CDH13: variants seen among roughly 807,000 people sequenced by gnomAD.
The protein encoded by CDH13 is cadherin-13.
A neutral mutation model predicts 63.8 loss-of-function variants in CDH13; 24 were observed. The ratio of observed to expected loss-of-function variants is 0.38; its 90% confidence interval spans 0.27 to 0.53. CDH13 has a LOEUF of 0.53. CDH13 is among the 20% of genes least tolerant of loss of function. The pLI is 0.85. For missense variants in CDH13, 1,049 were observed against 903.1 expected (o/e 1.16, Z -2.07); for synonymous variants, 503 against 355.3 (o/e 1.42, Z -4.67).
chr16:83,716,546 C>G (rs1196495475), intron 10 of CDH13, among the ~76,000 whole-genome samples: 1 of 152,142 alleles, frequency 6.6e-6, no homozygotes, highest in Non-Finnish European at 1.5e-5. Flanking sequence ...TGCAGTGGTG[C>G]AGTCTCAGCT....
chr16:82,666,023 A>T (rs927527410), intron 1 of CDH13, among the ~76,000 whole-genome samples: 1 of 152,218 alleles, frequency 6.6e-6, no homozygotes, highest in African/African-American at 2.4e-5. Context: ...ATTCTAAGTC[A>T]GGGAATATCT....
chr16:82,841,655 C>T (rs995002693), intron 1 of CDH13, among the ~76,000 whole-genome samples: 1 of 151,686 alleles, frequency 6.6e-6, no homozygotes, highest in African/African-American at 2.4e-5. Flanking sequence ...TGTTTTAACT[C>T]ATACATAGTG....
chr16:83,077,842 C>G (rs1031358056), intron 3 of CDH13, among the ~76,000 whole-genome samples: 1 of 152,170 alleles, frequency 6.6e-6, no homozygotes, highest in African/African-American at 2.4e-5. Context: ...GCAGTGACGG[C>G]TTTGCATCCT....
chr16:82,704,898 A>G (rs1360027708), intron 1 of CDH13, among the ~76,000 whole-genome samples: 1 of 152,298 alleles, frequency 6.6e-6, no homozygotes, highest in East Asian at 1.9e-4. Flanking sequence ...AAAGCAACAT[A>G]ATCAGTATTT....
intron 6 of CDH13, among the ~76,000 whole-genome samples, chr16:83,438,286 G>A (rs917504395): frequency 3.3e-5 from 5 of 152,200 alleles, no homozygotes; most frequent in African/African-American, 7.2e-5. Context: ...ATCATTTGCA[G>A]CTCATGGACA....
intron 10 of CDH13, among the ~76,000 whole-genome samples, chr16:83,684,272 C>A (rs866417674): frequency 2.6e-5 from 4 of 151,962 alleles, no homozygotes; most frequent in African/African-American, 9.7e-5. Flanking sequence ...GAGGCTGAGG[C>A]AGGAGAATTT....
chr16:83,597,048 C>A (rs1393295780), intron 7 of CDH13, among the ~76,000 whole-genome samples: 1 of 152,086 alleles, frequency 6.6e-6, no homozygotes, highest in Non-Finnish European at 1.5e-5. Context: ...TACAGGGAGA[C>A]CCTGTCTCTA....
chr16:83,007,213 C>T (rs545107838), intron 2 of CDH13, among the ~76,000 whole-genome samples: 62 of 152,236 alleles, frequency 4.1e-4, no homozygotes, highest in Middle Eastern at 3.4e-3. Flanking sequence ...TGAGCCACCG[C>T]GCCCAGCATG....
intron 7 of CDH13, among the ~76,000 whole-genome samples, chr16:83,514,477 C>G (rs550900050): frequency 6.6e-5 from 10 of 152,202 alleles, no homozygotes; most frequent in Admixed American, 5.9e-4. Flanking sequence ...AACCCAATCT[C>G]CACTAAAAAT....
chr16:83,405,767 A>G (rs1168521660), intron 6 of CDH13, among the ~76,000 whole-genome samples: 1 of 152,212 alleles, frequency 6.6e-6, no homozygotes, highest in Non-Finnish European at 1.5e-5. Context: ...TTTCACAGGC[A>G]TATTCCTTTC....
intron 8 of CDH13, among the ~76,000 whole-genome samples, chr16:83,646,829 C>G (rs1386422778): frequency 1.3e-5 from 2 of 151,776 alleles, no homozygotes; most frequent in African/African-American, 2.4e-5. Context: ...GCCATGAGAC[C>G]TGGTCTGATG....
intron 5 of CDH13, among the ~76,000 whole-genome samples, chr16:83,237,261 C>A (rs1011122499): frequency 5.3e-5 from 8 of 152,184 alleles, no homozygotes; most frequent in African/African-American, 1.4e-4. Context: ...TGGGCACCCA[C>A]CCCATGGTGA....
intron 6 of CDH13, among the ~76,000 whole-genome samples, chr16:83,443,705 GAAAAAAAAAAAAAAAAA>G (rs1167862979): frequency 2.5e-3 from 270 of 107,084 alleles, no homozygotes; most frequent in Non-Finnish European, 3.4e-3. Context: ...AAGTCCCTAC[GAAAAAAAAAAAAAAAAA>G]AAAAAAAAAA....
At position 83,536,379 on chromosome 16, in the gene CDH13, G is replaced by A. The variant is rs149587295; in HGVS notation, c.960+49724G>A. On this transcript the variant is annotated intron_variant, in intron 7 of 13. Transcript: ENST00000567109. Reference sequence around the variant, plus strand: ...CGGTAGTCATGGAAGGTCTCCTTGTGGACGTGATCCTTGGGGTGAATCAAG... The same window carrying A: ...CGGTAGTCATGGAAGGTCTCCTTGTAGACGTGATCCTTGGGGTGAATCAAG... Among the ~76,000 whole-genome samples, 3 of 152,242 alleles carry A rather than the reference G, an allele frequency of 2.0e-5. No individual in the cohort carries two copies. The East Asian group carries it at 5.8e-4, about 29-fold the overall frequency.
chr16:83,535,514 C>T (rs1414647014), intron 7 of CDH13, among the ~76,000 whole-genome samples: 1 of 152,174 alleles, frequency 6.6e-6, no homozygotes, highest in Non-Finnish European at 1.5e-5. Flanking sequence ...AGGAAGAGGA[C>T]AGTCACAGGC....
chr16:83,349,509 T>A (rs1481995967), intron 6 of CDH13, among the ~76,000 whole-genome samples: 1 of 152,024 alleles, frequency 6.6e-6, no homozygotes, highest in Non-Finnish European at 1.5e-5. Context: ...TGCCTGTGGT[T>A]TGCTTGAGAG....
chr16:83,389,805 A>G (rs2091750193), intron 6 of CDH13, among the ~76,000 whole-genome samples: 1 of 152,202 alleles, frequency 6.6e-6, no homozygotes, highest in African/African-American at 2.4e-5. Context: ...TGAGTTTGAG[A>G]GGAAAGGTGT....
Position 83,669,451 on chromosome 16 carries a change from A to C in CDH13, c.1102-1339A>C, listed in dbSNP as rs533070798. 3.9e-5 allele frequency among the ~76,000 whole-genome samples: 6 copies of C among 152,302 alleles called. No homozygotes were observed. In the East Asian group the frequency reaches 5.8e-4, roughly 15 times the overall value. On this transcript the variant is annotated intron_variant, in intron 8 of 13. Transcript: ENST00000567109. Reference sequence around the variant, plus strand: ...ATAGAAGATAGGTAGACATTAAACAAGAATCACACGAATCAGATCAAAATA... The same window carrying C: ...ATAGAAGATAGGTAGACATTAAACACGAATCACACGAATCAGATCAAAATA...
chr16:83,797,890 G>C lies in CDH13; in HGVS notation c.*2860G>C, dbSNP rs905771936. The C allele has an allele frequency of 6.6e-6, 1 of 152,122 alleles. No homozygotes were observed. Among genetic ancestry groups the C allele is most frequent in the Non-Finnish European group, 1.5e-5 (1 of 68,020 alleles). The allele number at this position is 152,122 out of a possible 1,614,324, so 9.4% of individuals were successfully genotyped here. ...ATAAATTAATTATTTTGGATAATTT[G>C]TTTTAATAAGAATATGCACACATTT... On this transcript the variant is annotated 3_prime_UTR_variant, in exon 14 of 14. Coordinates refer to ENST00000567109, the MANE Select transcript of CDH13 (RefSeq NM_001257.5).
Sources: gnomAD v4.1 joint callset for allele counts (sites outside exome capture counted in the v4.1 genomes callset) on GRCh38, gnomAD v4.1.1 for gene constraint, MANE v1.5 for transcripts, NCBI Gene and HGNC (gene_info 2026-07-23, HGNC 2026-07-21) for gene names.